Variants in TG observed in about 807,000 individuals in gnomAD.
TG encodes the protein thyroid hormones.
Under a neutral mutation model 324.7 loss-of-function variants are expected in TG, and 270 were observed. The observed-to-expected ratio is 0.83, with a 90% CI of 0.75 to 0.92. The LOEUF is 0.92. TG is among the 40% of genes least tolerant of loss of function. The probability of loss-of-function intolerance (pLI) is 0.00; values close to 1 mark genes in which losing one functional copy is unlikely to be tolerated. For missense variants in TG, 3,591 were observed against 3,456.4 expected (o/e 1.04, Z -0.98); for synonymous variants, 1,401 against 1,327.0 (o/e 1.06, Z -1.21).
intron 41 of TG, among the ~76,000 whole-genome samples, chr8:133,045,477 C>G (rs2131153584): frequency 6.8e-6 from 1 of 148,146 alleles, no homozygotes; most frequent in Non-Finnish European, 1.5e-5. Context: ...TCACTGCAAC[C>G]TCCATCTCCT....
chr8:133,097,478 G>A (rs917419554), intron 43 of TG, among the ~76,000 whole-genome samples: 1 of 152,188 alleles, frequency 6.6e-6, no homozygotes, highest in Non-Finnish European at 1.5e-5. Flanking sequence ...TAAATATTAT[G>A]CAGATATTAA....
chr8:133,134,616 G>C (rs1403313948), intron 47 of TG, 60 bp from the exon 48 acceptor site: 1 of 1,440,852 alleles, frequency 6.9e-7, no homozygotes, highest in Non-Finnish European at 9.8e-7. Flanking sequence ...AAAAGGAAGG[G>C]ACCAGAGAAG....
chr8:133,097,205 T>C (rs1239395873), intron 43 of TG, among the ~76,000 whole-genome samples: 3 of 152,378 alleles, frequency 2.0e-5, no homozygotes, highest in South Asian at 2.1e-4. Context: ...ACCGGAATTT[T>C]ATTAAATCAT....
intron 40 of TG, among the ~76,000 whole-genome samples, chr8:133,024,923 A>G (rs1405900535): frequency 6.6e-6 from 1 of 151,670 alleles, no homozygotes; most frequent in African/African-American, 2.4e-5. Context: ...TCAAAAATCT[A>G]GAACCAGAAA....
intron 41 of TG, chr8:133,045,102 C>T: frequency 6.2e-7 from 1 of 1,614,214 alleles, no homozygotes; most frequent in Non-Finnish European, 8.5e-7. Flanking sequence ...GTCTCACCGA[C>T]AGTGAGTAAA....
intron 41 of TG, among the ~76,000 whole-genome samples, chr8:133,071,397 C>G (rs1844006803): frequency 6.6e-6 from 1 of 152,128 alleles, no homozygotes; most frequent in South Asian, 2.1e-4. Flanking sequence ...TGTCCTTAGG[C>G]CTGAGGAAAG....
intron 45 of TG, among the ~76,000 whole-genome samples, chr8:133,125,894 G>A (rs1851480221): frequency 6.6e-6 from 1 of 152,076 alleles, no homozygotes; most frequent in African/African-American, 2.4e-5. Flanking sequence ...GTGATGAGAA[G>A]GCATTGCAGA....
intron 35 of TG, among the ~76,000 whole-genome samples, chr8:132,987,969 TCTC>T (rs1296399309): frequency 1.3e-5 from 2 of 151,592 alleles, no homozygotes; most frequent in East Asian, 1.9e-4. Flanking sequence ...ATTTCAGAAG[TCTC>T]CTCCATCTGC....
chr8:133,080,077 T>C (rs1490531438), intron 41 of TG, among the ~76,000 whole-genome samples: 2 of 152,074 alleles, frequency 1.3e-5, no homozygotes, highest in Non-Finnish European at 2.9e-5. Context: ...ACTGAAGGCA[T>C]GGGGACAGTA....
intron 34 of TG, among the ~76,000 whole-genome samples, chr8:132,975,581 T>C (rs562737213): frequency 7.7e-4 from 118 of 152,316 alleles, no homozygotes; most frequent in African/African-American, 2.3e-3. Flanking sequence ...TCAACCAACA[T>C]TGACTGAGCG....
chr8:133,112,704 G>A (rs548677198), intron 43 of TG, among the ~76,000 whole-genome samples: 16 of 152,296 alleles, frequency 1.1e-4, no homozygotes, highest in African/African-American at 3.8e-4. Flanking sequence ...AGAACTGCGT[G>A]CCTTTCCTGG....
At chr8:132,898,276 GAC>G in intron 13 of TG, 30 bp downstream of exon 13, 1 of 1,561,426 alleles carries the variant, frequency 6.4e-7, no homozygotes, top group South Asian at 1.2e-5. Flanking sequence ...TTCTCCTCCT[GAC>G]CCCCCTTGGT....
chr8:132,871,479 G>T lies in TG; in HGVS notation c.406G>T (p.Val136Phe). ...GCCTGTTCAGTGTGATGTGCAGCAG[G>T]TCCAGTGCTGGTGTGTGGACGCAGA... ...YAPVQCDVQQ[V>F]QCWCVDAEGM... The change falls in exon 4 of 48, where the codon GTC becomes TTC. Residue 136 changes from valine to phenylalanine, a missense_variant. Coordinates refer to ENST00000220616, the MANE Select transcript of TG (RefSeq NM_003235.5). 6.2e-7 allele frequency: 1 copy of T among 1,614,172 alleles called. No individual in the cohort carries two copies. The highest frequency in any genetic ancestry group is 8.5e-7 in the Non-Finnish European group (1 of 1,180,038).
chr8:133,065,600 A>G (rs949963300), intron 41 of TG, among the ~76,000 whole-genome samples: 1 of 152,068 alleles, frequency 6.6e-6, no homozygotes, highest in East Asian at 1.9e-4. Context: ...CGTCTCTACT[A>G]AAAATACAAA....
chr8:133,019,718 T>C, intron 39 of TG, 23 bp downstream of exon 39: 1 of 1,596,772 alleles, frequency 6.3e-7, no homozygotes, highest in African/African-American at 1.3e-5. Context: ...GCACTTGCTA[T>C]GGTTGCCCTG....
intron 35 of TG, among the ~76,000 whole-genome samples, chr8:132,986,940 A>G (rs1264578209): frequency 6.6e-6 from 1 of 152,202 alleles, no homozygotes; most frequent in Admixed American, 6.5e-5. Context: ...GAGTGTTTTG[A>G]TGTCAAATAC....
chr8:133,134,828 G>A lies in TG; in HGVS notation c.*34G>A. ...TGAGCTCCCCAAAAACCTCACCCGA[G>A]GCTGCCCACTATGGTCATCTTTTTC... is the stretch of plus-strand genomic sequence containing the variant. On this transcript the variant is annotated 3_prime_UTR_variant, in exon 48 of 48. Coordinates refer to ENST00000220616, the MANE Select transcript of TG (RefSeq NM_003235.5). The A allele has an allele frequency of 1.3e-6, 2 of 1,558,830 alleles. No individual in the cohort carries two copies. Among genetic ancestry groups the A allele is most frequent in the Non-Finnish European group, 1.8e-6 (2 of 1,129,770 alleles).
At chr8:133,025,026 C>A (rs566149288) in intron 40 of TG, among the ~76,000 whole-genome samples, 1 of 152,348 alleles carries the variant, frequency 6.6e-6, no homozygotes, top group Non-Finnish European at 1.5e-5. Context: ...TCTTTGCCTT[C>A]CTTCCTAGCC....
intron 25 of TG, among the ~76,000 whole-genome samples, chr8:132,937,884 G>A (rs2739064): frequency 0.54 from 81,416 of 151,814 alleles, 22,776 homozygotes; most frequent in Non-Finnish European, 0.61. Context: ...ATTCCTTGTT[G>A]CCAAACTAAA....
Sources: allele counts gnomAD v4.1 joint callset (sites outside exome capture counted in the v4.1 genomes callset), GRCh38; gene constraint gnomAD v4.1.1; transcripts MANE v1.5; gene names NCBI Gene and HGNC (gene_info 2026-07-23, HGNC 2026-07-21).